The following TRERF1 variants were observed in gnomAD, a reference collection of about 807,000 sequenced individuals.
TRERF1 encodes the protein transcriptional regulating factor 1.
TRERF1 carries 27 observed loss-of-function variants against 122.9 expected under a neutral mutation model. That is an observed-to-expected ratio of 0.22 (90% CI 0.16 to 0.30). TRERF1 has a LOEUF of 0.30. Among genes scored for constraint, TRERF1 ranks in the 10% least tolerant of loss-of-function variants. The pLI is 1.00. For missense variants in TRERF1, 1,248 were observed against 1,560.3 expected (o/e 0.80, Z 3.37); for synonymous variants, 636 against 641.7 (o/e 0.99, Z 0.13).
rs571621148 is a variant in TRERF1, at chr6:42,417,273, C to T, written c.-454+33904G>A. ...GCCCATTCCCCTCTCAGTGGAGGCC[C>T]TTCTAATTTTGTCTGGGCTTCTTTT... On this transcript the variant is annotated intron_variant, in intron 2 of 17. Transcript: ENST00000372922. 7.9e-5 allele frequency among the ~76,000 whole-genome samples: 12 copies of T among 152,132 alleles called. No individual in the cohort carries two copies. The East Asian group carries it at 2.3e-3, about 29-fold the overall frequency.
chr6:42,277,894 AGAAGGAAGAAG>A lies in TRERF1; in HGVS notation c.-258-8057_-258-8047del, dbSNP rs1479998023. ...AAGAAGAAGGAAGAAGGAAGAAGGA[AGAAGGAAGAAG>A]GAAGAAGAAGAAGAAGAAGAAGAAG... On this transcript the variant is annotated intron_variant, in intron 4 of 17. Coordinates refer to ENST00000372922, the Ensembl canonical transcript of TRERF1. Among the ~76,000 whole-genome samples the A allele has an allele frequency of 5.8e-4, 72 of 124,782 alleles. 1 individual carries two copies. Among genetic ancestry groups the A allele is most frequent in the Admixed American group, 1.9e-3 (23 of 11,924 alleles). The allele number at this position is 124,782 out of a possible 152,430, so 81.9% of individuals were successfully genotyped here. A position where few individuals can be genotyped will look rare whatever the true frequency, so the allele number is the denominator to read the frequency against.
chr6:42,385,732 A>G (rs538003432), intron 2 of TRERF1, among the ~76,000 whole-genome samples: 283 of 152,360 alleles, frequency 1.9e-3, no homozygotes, highest in African/African-American at 6.4e-3. Flanking sequence ...CTGCCACTTC[A>G]TCATAAAATA....
At chr6:42,338,054 G>A (rs181451830) in intron 3 of TRERF1, among the ~76,000 whole-genome samples, 16 of 152,266 alleles carry the variant, frequency 1.1e-4, no homozygotes, top group Admixed American at 7.8e-4. Flanking sequence ...TTGTGGGCAC[G>A]TGAAGGTCTA....
rs1281444960 is a variant in TRERF1 at position 42,259,202 on chromosome 6, C to T, written c.2269+137G>A. 2 of 1,200,450 alleles carry T rather than the reference C, an allele frequency of 1.7e-6. No individual in the cohort carries two copies. The highest frequency in any genetic ancestry group is 1.1e-6 in the Non-Finnish European group (1 of 905,164). 74.4% of individuals were successfully genotyped at this position (1,200,450 alleles called of 1,614,324 possible). ...GCTATGTATTCCAAGTCTTTCTTAA[C>T]ACCCAGCAGCGCGTGCTACATACAG... On this transcript the variant is annotated intron_variant, in intron 9 of 17. Transcript: ENST00000372922. This position sits in a 1 kb window ranked among gnomAD's most constrained non-coding sequence, Gnocchi z 4.9.
chr6:42,319,217 T>G (rs990045817), intron 3 of TRERF1, among the ~76,000 whole-genome samples: 1 of 152,254 alleles, frequency 6.6e-6, no homozygotes, highest in African/African-American at 2.4e-5. Flanking sequence ...TATCTGTTTA[T>G]GTACCATGTA....
At chr6:42,436,800 C>CAAAAAAAAAAA (rs775861205) in intron 2 of TRERF1, among the ~76,000 whole-genome samples, 1 of 77,536 alleles carries the variant, frequency 1.3e-5, no homozygotes, top group African/African-American at 6.3e-5. Flanking sequence ...TCTCCCTCTA[C>CAAAAAAAAAAA]AAAAAAAAAA....
At chr6:42,328,766 G>A (rs913596044) in intron 3 of TRERF1, among the ~76,000 whole-genome samples, 1 of 152,096 alleles carries the variant, frequency 6.6e-6, no homozygotes. Flanking sequence ...CTACAGCACT[G>A]TTCACACATT....
chr6:42,430,849 T>C (rs1436927128), intron 2 of TRERF1, among the ~76,000 whole-genome samples: 6 of 150,854 alleles, frequency 4.0e-5, no homozygotes, highest in Non-Finnish European at 7.4e-5. Flanking sequence ...TGAGCCAAGA[T>C]TGTGCCACTG....
chr6:42,411,563 G>T (rs541784640), intron 2 of TRERF1, among the ~76,000 whole-genome samples: 13 of 152,362 alleles, frequency 8.5e-5, no homozygotes, highest in Non-Finnish European at 1.3e-4. Flanking sequence ...GTCAAAGCCA[G>T]AATAGTGTCT....
At chr6:42,356,536 G>A (rs1770583750) in intron 3 of TRERF1, among the ~76,000 whole-genome samples, 1 of 152,104 alleles carries the variant, frequency 6.6e-6, no homozygotes, top group Non-Finnish European at 1.5e-5. Flanking sequence ...CCTTGATCTT[G>A]GACTTCCCAG....
exon 18 of TRERF1, chr6:42,227,279 T>A (rs928202883): frequency 6.6e-6 from 1 of 152,206 alleles, no homozygotes; most frequent in South Asian, 2.1e-4. Context: ...GAAAACTATT[T>A]CTTATAGCTA....
intron 3 of TRERF1, among the ~76,000 whole-genome samples, chr6:42,313,504 T>C (rs889455486): frequency 1.3e-5 from 2 of 152,020 alleles, no homozygotes; most frequent in African/African-American, 4.8e-5. Flanking sequence ...ATCCTAACTC[T>C]CCCAAGAGTC....
intron 2 of TRERF1, among the ~76,000 whole-genome samples, chr6:42,405,046 T>C (rs971085346): frequency 3.3e-5 from 5 of 152,184 alleles, no homozygotes; most frequent in Admixed American, 6.5e-5. Context: ...AACCACCACT[T>C]ACAGCTGTGC....
At chr6:42,312,103 A>T (rs1761766961) in intron 3 of TRERF1, among the ~76,000 whole-genome samples, 1 of 152,088 alleles carries the variant, frequency 6.6e-6, no homozygotes, top group African/African-American at 2.4e-5. Flanking sequence ...CTTGGTTTTA[A>T]GCTGGGTACT....
intron 15 of TRERF1, among the ~76,000 whole-genome samples, chr6:42,236,805 G>A (rs1343848692): frequency 1.3e-5 from 2 of 152,228 alleles, no homozygotes; most frequent in African/African-American, 4.8e-5. Flanking sequence ...GTGAAGAGGG[G>A]TTTCCAGCAA....
intron 9 of TRERF1, among the ~76,000 whole-genome samples, chr6:42,258,728 C>T (rs1358163469): frequency 5.3e-5 from 8 of 152,192 alleles, no homozygotes; most frequent in Middle Eastern, 3.4e-3. Flanking sequence ...GTGCCTGCTA[C>T]CACATCCCGT....
intron 2 of TRERF1, among the ~76,000 whole-genome samples, chr6:42,401,542 T>C (rs56318466): frequency 0.01 from 1,526 of 152,276 alleles, 36 homozygotes; most frequent in East Asian, 0.096. Flanking sequence ...CAGATAAGCA[T>C]ACAGACATGC....
At chr6:42,388,422 G>A (rs1562115694) in intron 2 of TRERF1, among the ~76,000 whole-genome samples, 1 of 152,012 alleles carries the variant, frequency 6.6e-6, no homozygotes, top group Non-Finnish European at 1.5e-5. Context: ...ACTCAGTGCT[G>A]GCTGGCCTGG....
intron 3 of TRERF1, among the ~76,000 whole-genome samples, chr6:42,333,738 G>C (rs1207968021): frequency 6.6e-6 from 1 of 152,164 alleles, no homozygotes; most frequent in East Asian, 1.9e-4. Context: ...GAAAATACAG[G>C]AGCCTCCGAG....
Sources: allele counts gnomAD v4.1 joint callset (sites outside exome capture counted in the v4.1 genomes callset), GRCh38; gene constraint gnomAD v4.1.1; non-coding constraint Gnocchi (gnomAD v3.1); transcripts MANE v1.5; gene names NCBI Gene and HGNC (gene_info 2026-07-23, HGNC 2026-07-21).